The following KATNAL2 variants were observed in gnomAD, a reference collection of about 807,000 sequenced individuals.
The protein encoded by KATNAL2 is katanin p60 ATPase-containing subunit A-like 2.
KATNAL2 carries 52 observed loss-of-function variants against 76.3 expected under a neutral mutation model. That is an observed-to-expected ratio of 0.68 (90% CI 0.55 to 0.86). KATNAL2 has a LOEUF of 0.86. Among genes scored for constraint, KATNAL2 ranks in the 40% least tolerant of loss-of-function variants. The pLI, the probability that KATNAL2 is intolerant of heterozygous loss-of-function variation, is 0.00. For missense variants in KATNAL2, 660 were observed against 668.9 expected, an observed-to-expected ratio of 0.99 and a Z score of 0.15; for synonymous variants, 243 against 244.2, an observed-to-expected ratio of 1.00 and a Z score of 0.05.
chr18:47,083,050 A>G (rs1294729577), intron 15 of KATNAL2, among the ~76,000 whole-genome samples: 1 of 152,226 alleles, frequency 6.6e-6, no homozygotes, highest in African/African-American at 2.4e-5. Flanking sequence ...TGTTGAACAT[A>G]TATGATGATC....
chr18:46,946,259 A>G lies in KATNAL2; in HGVS notation c.-307A>G, dbSNP rs1000030999. Reference sequence around the variant, plus strand: ...GAGGAAAACACGTCCATGTTTTTCCACGTCTAATGAGAACAGGTCTGATGT... The same window carrying G: ...GAGGAAAACACGTCCATGTTTTTCCGCGTCTAATGAGAACAGGTCTGATGT... On this transcript the variant is annotated 5_prime_UTR_variant, in exon 2 of 18. Coordinates refer to ENST00000683218, the MANE Select transcript of KATNAL2 (RefSeq NM_001387690.1). 2 of 1,108,842 alleles carry G rather than the reference A, an allele frequency of 1.8e-6. No homozygotes were observed. Among genetic ancestry groups the G allele is most frequent in the Non-Finnish European group, 2.2e-6 (2 of 898,478 alleles). 68.7% of individuals were successfully genotyped at this position (1,108,842 alleles called of 1,614,324 possible). A position where few individuals can be genotyped will look rare whatever the true frequency, so the allele number is the denominator to read the frequency against.
At chr18:47,075,253 C>T (rs1455640432) in intron 13 of KATNAL2, 24 bp from the exon 14 acceptor site, 1 of 1,534,994 alleles carries the variant, frequency 6.5e-7, no homozygotes, top group Non-Finnish European at 8.7e-7. Context: ...AGCTTGAACA[C>T]TTGCTTGCTT....
At chr18:47,050,998 C>T (rs1246473876) in intron 4 of KATNAL2, among the ~76,000 whole-genome samples, 1 of 152,156 alleles carries the variant, frequency 6.6e-6, no homozygotes, top group East Asian at 1.9e-4. Context: ...GTCATGGATG[C>T]TGGTTCTTCT....
chr18:47,063,229 C>T, intron 9 of KATNAL2, 55 bp from the exon 10 acceptor site: 1 of 1,575,974 alleles, frequency 6.3e-7, no homozygotes, highest in Non-Finnish European at 8.7e-7. Flanking sequence ...CCCGGGGTTT[C>T]TTCCTAAATT....
intron 3 of KATNAL2, among the ~76,000 whole-genome samples, chr18:47,031,495 C>T (rs141166327): frequency 7.9e-5 from 12 of 152,112 alleles, no homozygotes; most frequent in African/African-American, 2.7e-4. Context: ...CCCTGAGAAT[C>T]GGGGAATGGG....
intron 4 of KATNAL2, among the ~76,000 whole-genome samples, chr18:47,051,448 T>TAA (rs34536675): frequency 6.6e-5 from 10 of 150,418 alleles, no homozygotes; most frequent in African/African-American, 2.4e-4. Flanking sequence ...AAAAAAAGGT[T>TAA]AAAAAAAGTT....
intron 2 of KATNAL2, 47 bp from the exon 3 acceptor site, chr18:46,946,807 G>A (rs1487210429): frequency 6.7e-7 from 1 of 1,487,282 alleles, no homozygotes; most frequent in East Asian, 2.5e-5. Flanking sequence ...AGGTTCCTTG[G>A]ATCGACCGGT....
chr18:46,921,013 A>G (rs960906774), intron 1 of KATNAL2, among the ~76,000 whole-genome samples: 25 of 152,232 alleles, frequency 1.6e-4, no homozygotes, highest in African/African-American at 5.8e-4. Flanking sequence ...TTATGGATTG[A>G]ATCTCCAGGC....
At chr18:47,081,070 G>A (rs2062493728) in intron 15 of KATNAL2, among the ~76,000 whole-genome samples, 2 of 129,148 alleles carry the variant, frequency 1.5e-5, no homozygotes, top group Non-Finnish European at 3.2e-5. Flanking sequence ...TTTCTTTCCC[G>A]CCTTCTTCCC....
In KATNAL2 at chr18:46,946,299, G is replaced by A; in HGVS notation, c.-267G>A. The A allele has an allele frequency of 2.8e-6, 3 of 1,059,298 alleles. No homozygotes were observed. Among genetic ancestry groups the A allele is most frequent in the Non-Finnish European group, 3.4e-6 (3 of 871,358 alleles). 65.6% of individuals were successfully genotyped at this position (1,059,298 alleles called of 1,614,324 possible). A position where few individuals can be genotyped will look rare whatever the true frequency, so the allele number is the denominator to read the frequency against. On this transcript the variant is annotated 5_prime_UTR_variant, in exon 2 of 18. Transcript: ENST00000683218. ...AGGTCTGATGTGAAAGGAATTGGAG[G>A]AGAAGGGGAAGTTTGGTGATGCACA...
chr18:46,958,127 G>T (rs1001831082), intron 3 of KATNAL2, among the ~76,000 whole-genome samples: 4 of 148,180 alleles, frequency 2.7e-5, no homozygotes, highest in African/African-American at 7.4e-5. Context: ...ACAGCGTTTT[G>T]TTTTTTTTTT....
chr18:47,035,188 T>A, intron 3 of KATNAL2: 1 of 1,612,530 alleles, frequency 6.2e-7, no homozygotes, highest in South Asian at 1.1e-5. Context: ...TTTCTCTAGC[T>A]TTTTCGGCTC....
At chr18:47,089,862 A>T (rs2062923849) in intron 15 of KATNAL2, among the ~76,000 whole-genome samples, 1 of 152,222 alleles carries the variant, frequency 6.6e-6, no homozygotes, top group African/African-American at 2.4e-5. Context: ...ACATGAAGTA[A>T]GTAGCCCTGC....
At chr18:46,948,332 G>T (rs540145038) in intron 3 of KATNAL2, among the ~76,000 whole-genome samples, 1 of 150,460 alleles carries the variant, frequency 6.6e-6, no homozygotes, top group Non-Finnish European at 1.5e-5. Context: ...GTTTGGTCTC[G>T]AACTTTTGAG....
chr18:46,961,562 T>G (rs981778789), intron 3 of KATNAL2, among the ~76,000 whole-genome samples: 1 of 152,004 alleles, frequency 6.6e-6, no homozygotes, highest in Non-Finnish European at 1.5e-5. Context: ...ACAATGAGGG[T>G]TTTAAATTCT....
intron 13 of KATNAL2, among the ~76,000 whole-genome samples, chr18:47,071,112 C>T (rs771157207): frequency 7.2e-5 from 11 of 152,160 alleles, no homozygotes; most frequent in Non-Finnish European, 1.5e-4. Flanking sequence ...CCAGGATCGA[C>T]TGTGGGACTC....
chr18:47,058,083 G>C, intron 6 of KATNAL2, 152 bp from the exon 7 acceptor site: 1 of 611,910 alleles, frequency 1.6e-6, no homozygotes, highest in Non-Finnish European at 2.9e-6. Context: ...GGACCTGGTG[G>C]GTGGATCACA....
At chr18:46,918,311 C>A (rs1276935284) in intron 1 of KATNAL2, among the ~76,000 whole-genome samples, 1 of 152,108 alleles carries the variant, frequency 6.6e-6, no homozygotes, top group Non-Finnish European at 1.5e-5. Context: ...TTGGGTGGAA[C>A]CCACACACGA....
chr18:46,937,194 T>C (rs1010585365), intron 1 of KATNAL2, among the ~76,000 whole-genome samples: 2 of 152,094 alleles, frequency 1.3e-5, no homozygotes, highest in African/African-American at 4.8e-5. Context: ...CTCTGTGATC[T>C]TCCTAAATCG....
Sources: gnomAD v4.1 joint callset for allele counts (sites outside exome capture counted in the v4.1 genomes callset) on GRCh38, gnomAD v4.1.1 for gene constraint, MANE v1.5 for transcripts, NCBI Gene and HGNC (gene_info 2026-07-23, HGNC 2026-07-21) for gene names.